ATP6V0D2: variants seen among roughly 807,000 people sequenced by gnomAD.
The protein encoded by ATP6V0D2 is ATPase H+ transporting V0 subunit d2, also known as V-type proton ATPase subunit d 2.
Under a neutral mutation model 40.0 loss-of-function variants are expected in ATP6V0D2, and 40 were observed. The ratio of observed to expected loss-of-function variants is 1.00; its 90% CI spans 0.78 to 1.30. The LOEUF (loss-of-function observed/expected upper bound fraction) is 1.30. Among genes scored for constraint, ATP6V0D2 ranks in the 50% most tolerant of loss-of-function variants. The pLI, the probability that ATP6V0D2 is intolerant of heterozygous loss-of-function variation, is 0.00. For synonymous variants in ATP6V0D2, 179 were observed against 156.3 expected, an observed-to-expected ratio of 1.15 and a Z score of -1.08; for missense variants, 470 against 423.1, an observed-to-expected ratio of 1.11 and a Z score of -0.97.
intron 4 of ATP6V0D2, among the ~76,000 whole-genome samples, 167 bp from the exon 5 acceptor site, chr8:86,142,710 T>G (rs576906292): frequency 1.5e-4 from 23 of 152,336 alleles, no homozygotes; most frequent in African/African-American, 5.1e-4. Context: ...CTGTGCAACA[T>G]GCTGCAATGT....
intron 2 of ATP6V0D2, among the ~76,000 whole-genome samples, chr8:86,124,531 T>C (rs969326083): frequency 1.3e-5 from 2 of 152,202 alleles, no homozygotes; most frequent in African/African-American, 4.8e-5. Flanking sequence ...CAGGCGACCC[T>C]GATACAGGTG....
intron 1 of ATP6V0D2, among the ~76,000 whole-genome samples, chr8:86,101,276 C>T (rs1033602362): frequency 6.6e-6 from 1 of 151,588 alleles, no homozygotes; most frequent in African/African-American, 2.4e-5. Flanking sequence ...CTGAGCAACA[C>T]AGCAAGACCT....
intron 6 of ATP6V0D2, among the ~76,000 whole-genome samples, chr8:86,150,929 C>T (rs1819141059): frequency 1.3e-5 from 2 of 152,178 alleles, no homozygotes. Context: ...TAGAATGACA[C>T]TCATCTTTTC....
chr8:86,150,202 T>A lies in ATP6V0D2; in HGVS notation c.730T>A (p.Phe244Ile). 5 of 1,613,418 alleles carry A rather than the reference T, an allele frequency of 3.1e-6. No individual in the cohort carries two copies. Among genetic ancestry groups the A allele is most frequent in the Non-Finnish European group, 4.2e-6 (5 of 1,179,890 alleles). Residue 244 changes from phenylalanine to isoleucine, a missense_variant, in exon 6 of 8, where the codon TTC becomes ATC. Transcript: ENST00000285393. ...KEDRETLYPT[F>I]GKLYPEGLRL... ...AGACCGAGAGACCCTCTATCCAACC[T>A]TCGGCAAACTCTATCCTGAGGGGTT... is the stretch of plus-strand genomic sequence containing the variant.
intron 5 of ATP6V0D2, among the ~76,000 whole-genome samples, chr8:86,143,251 G>A (rs1357992027): frequency 1.3e-5 from 2 of 152,146 alleles, no homozygotes; most frequent in East Asian, 3.8e-4. Context: ...AAAATAGATT[G>A]TAAACAATAA....
intron 5 of ATP6V0D2, among the ~76,000 whole-genome samples, chr8:86,145,152 G>C (rs1819030131): frequency 7.0e-6 from 1 of 143,550 alleles, no homozygotes; most frequent in African/African-American, 2.7e-5. Flanking sequence ...GGGCAACAGA[G>C]TGAGACTCAG....
intron 1 of ATP6V0D2, among the ~76,000 whole-genome samples, chr8:86,105,794 T>A (rs1430477906): frequency 6.6e-6 from 1 of 151,844 alleles, no homozygotes; most frequent in East Asian, 1.9e-4. Flanking sequence ...TTTTATATTT[T>A]TAGTAGAGAT....
chr8:86,141,584 A>G (rs1818974260), intron 4 of ATP6V0D2, 55 bp downstream of exon 4: 3 of 1,285,348 alleles, frequency 2.3e-6, no homozygotes, highest in Admixed American at 4.3e-5. Context: ...TATTGTGACT[A>G]GAGTTCTCTA....
chr8:86,110,625 A>C (rs1263840092), intron 1 of ATP6V0D2, among the ~76,000 whole-genome samples: 3 of 152,204 alleles, frequency 2.0e-5, no homozygotes, highest in Non-Finnish European at 4.4e-5. Flanking sequence ...TTTTCATTGC[A>C]GGTCACAATA....
intron 2 of ATP6V0D2, among the ~76,000 whole-genome samples, chr8:86,137,586 G>T (rs1253986230): frequency 6.6e-6 from 1 of 152,032 alleles, no homozygotes; most frequent in Non-Finnish European, 1.5e-5. Flanking sequence ...TCTCCTCTTG[G>T]TTACCTCCTG....
chr8:86,099,136 A>G, intron 1 of ATP6V0D2, 28 bp downstream of exon 1: 1 of 1,546,722 alleles, frequency 6.5e-7, no homozygotes. Context: ...CACCCTTTAA[A>G]AAGAAAAAAA....
Position 86,151,475 on chromosome 8 carries a change from C to A in ATP6V0D2, c.826C>A (p.Pro276Thr). Residue 276 changes from proline to threonine, a missense_variant, in exon 7 of 8, where the codon CCT becomes ACT. By Grantham distance (38) the Pro-to-Thr change is conservative (BLOSUM62 -1). Coordinates refer to ENST00000285393, the MANE Select transcript of ATP6V0D2 (RefSeq NM_152565.1). ...NVADHYGVYK[P>T]LFEAVGGSGG... ...TGTCTTTGTTTTTAAGGTATACAAA[C>A]CTTTATTTGAAGCTGTAGGTGGCAG... is the stretch of plus-strand genomic sequence containing the variant. The A allele has an allele frequency of 6.2e-7, 1 of 1,602,052 alleles. No individual in the cohort carries two copies. Among genetic ancestry groups the A allele is most frequent in the Non-Finnish European group, 8.5e-7 (1 of 1,174,334 alleles).
intron 1 of ATP6V0D2, among the ~76,000 whole-genome samples, chr8:86,110,842 TAGGAC>T (rs966307848): frequency 6.6e-6 from 1 of 152,130 alleles, no homozygotes; most frequent in East Asian, 1.9e-4. Flanking sequence ...TACTCTGGGA[TAGGAC>T]AGGACAGGAC....
chr8:86,151,516 G>T lies in ATP6V0D2; in HGVS notation c.867G>T (p.Leu289Phe). 2 of 1,608,526 alleles carry T rather than the reference G, an allele frequency of 1.2e-6. No individual in the cohort carries two copies. Among genetic ancestry groups the T allele is most frequent in the Non-Finnish European group, 1.7e-6 (2 of 1,177,652 alleles). The change falls in exon 7 of 8, where the codon TTG becomes TTT. Residue 289 changes from leucine to phenylalanine, a missense_variant. Physicochemically the swap from Leu to Phe is conservative, Grantham distance 22. Transcript: ENST00000285393. ...TAGGTGGCAGTGGGGGAAAGACATTGGAGGACGTGTTTTACGAGCGTGAGG... is the reference window on the plus strand; with the variant it reads ...TAGGTGGCAGTGGGGGAAAGACATTTGAGGACGTGTTTTACGAGCGTGAGG... Reference protein sequence around the residue: ...EAVGGSGGKTLEDVFYEREVQ... With the variant: ...EAVGGSGGKTFEDVFYEREVQ...
At chr8:86,129,982 G>GAAAAAAAAAAA (rs869058078) in intron 2 of ATP6V0D2, among the ~76,000 whole-genome samples, 4 of 92,712 alleles carry the variant, frequency 4.3e-5, no homozygotes, top group Admixed American at 1.3e-4. Flanking sequence ...GTCTCGAAAA[G>GAAAAAAAAAAA]AAAAAAAAAA....
chr8:86,143,007 T>C, intron 5 of ATP6V0D2, 53 bp downstream of exon 5: 1 of 1,303,536 alleles, frequency 7.7e-7, no homozygotes, highest in Non-Finnish European at 1.1e-6. Context: ...TTACATATTT[T>C]TATTGTTTTA....
chr8:86,105,518 G>A (rs1470171058), intron 1 of ATP6V0D2, among the ~76,000 whole-genome samples: 4 of 151,594 alleles, frequency 2.6e-5, no homozygotes, highest in Non-Finnish European at 4.4e-5. Context: ...GGCTGGTCTT[G>A]AACTCCTGAG....
chr8:86,120,510 G>A (rs1331108554), intron 2 of ATP6V0D2, among the ~76,000 whole-genome samples: 1 of 152,126 alleles, frequency 6.6e-6, no homozygotes, highest in Non-Finnish European at 1.5e-5. Flanking sequence ...TTTAAGTGCA[G>A]GAGTTTGATT....
Position 86,113,728 on chromosome 8 carries a change from G to A in ATP6V0D2, c.150G>A (p.Gln50=), listed in dbSNP as rs773091174. The change falls in exon 2 of 8, where the codon CAG becomes CAA. Residue 50 remains glutamine, a synonymous_variant. Transcript: ENST00000285393. ...TTTCAGACCTGAAAATTCATCTCCA[G>A]ACTACTGATTATGGTAACTTTTTGG... The part of the protein sequence containing the change: ...ETLEDLKIHL[Q]TTDYGNFLAN... 2 of 1,609,026 alleles carry A rather than the reference G, an allele frequency of 1.2e-6. No homozygotes were observed. Among genetic ancestry groups the A allele is most frequent in the Non-Finnish European group, 1.7e-6 (2 of 1,177,410 alleles).
Sources: gnomAD v4.1 joint callset for allele counts (sites outside exome capture counted in the v4.1 genomes callset) on GRCh38, gnomAD v4.1.1 for gene constraint, MANE v1.5 for transcripts, NCBI Gene and HGNC (gene_info 2026-07-23, HGNC 2026-07-21) for gene names.